Variants in PPP1R1C observed in about 807,000 individuals in gnomAD.
PPP1R1C encodes protein phosphatase 1 regulatory inhibitor subunit 1C.
In PPP1R1C, 15 loss-of-function variants were observed where a neutral mutation model predicts 17.4. That is an observed-to-expected ratio of 0.86 (90% CI 0.58 to 1.33). The LOEUF is 1.33. PPP1R1C is among the 40% of genes most tolerant of loss of function. The pLI, the probability that PPP1R1C is intolerant of heterozygous loss-of-function variation, is 0.00. For missense variants in PPP1R1C, 143 were observed against 130.0 expected, an observed-to-expected ratio of 1.10 and a Z score of -0.48; for synonymous variants, 35 against 43.1, an observed-to-expected ratio of 0.81 and a Z score of 0.73.
At chr2:182,078,202 G>T (rs1477803548) in intron 4 of PPP1R1C, among the ~76,000 whole-genome samples, 2 of 152,142 alleles carry the variant, frequency 1.3e-5, no homozygotes, top group East Asian at 3.9e-4. Context: ...GTCATTTTTG[G>T]TATGAAATGG....
intron 2 of PPP1R1C, among the ~76,000 whole-genome samples, chr2:182,047,240 A>G (rs1687375162): frequency 6.6e-6 from 1 of 152,178 alleles, no homozygotes; most frequent in African/African-American, 2.4e-5. Flanking sequence ...ATGTAGAAAA[A>G]TGAAATATTA....
chr2:182,081,985 AT>A (rs200017467), intron 4 of PPP1R1C, among the ~76,000 whole-genome samples: 1 of 152,114 alleles, frequency 6.6e-6, no homozygotes, highest in African/African-American at 2.4e-5. Flanking sequence ...CCCTATGCCT[AT>A]TTTTTTTAAA....
At chr2:181,983,554 T>C (rs1478038112), upstream of PPP1R1C, among the ~76,000 whole-genome samples, 1 of 152,194 alleles carries the variant, frequency 6.6e-6, no homozygotes, top group Non-Finnish European at 1.5e-5. Context: ...TTATTTTACA[T>C]TTAAGTTGCA....
At chr2:181,971,065 C>T (rs1362805961) in intron 1 of PPP1R1C, among the ~76,000 whole-genome samples, 1 of 152,160 alleles carries the variant, frequency 6.6e-6, no homozygotes, top group Admixed American at 6.5e-5. Flanking sequence ...TGCTCTACCC[C>T]ATTGTGACCA....
chr2:182,052,821 A>G (rs1687566704), intron 2 of PPP1R1C, among the ~76,000 whole-genome samples: 1 of 152,260 alleles, frequency 6.6e-6, no homozygotes, highest in African/African-American at 2.4e-5. Context: ...TTTTAGTAAA[A>G]TAAAATCATA....
At chr2:182,125,384 G>A (rs1689850209) in intron 5 of PPP1R1C, among the ~76,000 whole-genome samples, 1 of 152,100 alleles carries the variant, frequency 6.6e-6, no homozygotes, top group Non-Finnish European at 1.5e-5. Context: ...TCTCTGCCAG[G>A]TTTCAGTATC....
rs200666418 is a variant in PPP1R1C, at chr2:182,117,233, G to A, written c.268G>A (p.Glu90Lys). Residue 90 changes from glutamate to lysine, a missense_variant, in exon 5 of 5, where the codon GAA becomes AAA. Transcript: ENST00000682840. The part of the protein sequence containing the change: ...KGVKHLKGQN[E>K]SAFPEEEEGT... ...GGTTAAGCATCTGAAAGGCCAGAAT[G>A]AATCAGCATTCCCTGAAGAAGAAGA... 3.1e-4 allele frequency: 486 copies of A among 1,560,374 alleles called. 1 individual carries two copies. Among genetic ancestry groups the A allele is most frequent in the Non-Finnish European group, 4.0e-4 (460 of 1,151,788 alleles).
Position 181,967,613 on chromosome 2 carries a change from G to A in PPP1R1C, n.112-7606G>A, listed in dbSNP as rs1027095227. Among the ~76,000 whole-genome samples the A allele has an allele frequency of 1.1e-4, 17 of 152,050 alleles. No individual in the cohort carries two copies. Among genetic ancestry groups the A allele is most frequent in the Non-Finnish European group, 2.9e-5 (2 of 67,960 alleles). ...ATATGTTTGTAAAGTCCCAAAGTTTGTGTTTCTGTTGTTATCAATTTTCCT... is the reference window on the plus strand; with the variant it reads ...ATATGTTTGTAAAGTCCCAAAGTTTATGTTTCTGTTGTTATCAATTTTCCT... On this transcript the variant is annotated intron_variant and non_coding_transcript_variant, in intron 1 of 5. Transcript: ENST00000464264. The surrounding 1 kb of genome is among the most constrained non-coding windows in gnomAD (Gnocchi z 5.5).
chr2:182,103,947 C>G (rs1391761741), intron 4 of PPP1R1C: 1 of 152,146 alleles, frequency 6.6e-6, no homozygotes, highest in African/African-American at 2.4e-5. Flanking sequence ...ACTGAGGGGA[C>G]CAAAATACTT....
At chr2:182,091,994 G>T (rs1182757849) in intron 4 of PPP1R1C, among the ~76,000 whole-genome samples, 2 of 152,008 alleles carry the variant, frequency 1.3e-5, no homozygotes, top group South Asian at 2.1e-4. Context: ...AAAATATGTT[G>T]GATTGTAGAA....
intron 2 of PPP1R1C, among the ~76,000 whole-genome samples, chr2:182,047,673 C>G (rs1687386405): frequency 6.6e-6 from 1 of 152,086 alleles, no homozygotes; most frequent in African/African-American, 2.4e-5. Flanking sequence ...TTCTTTGGCT[C>G]TCATATAAAA....
At chr2:182,117,010 G>A (rs1026672714) in intron 4 of PPP1R1C, among the ~76,000 whole-genome samples, 197 bp from the exon 5 acceptor site, 9 of 152,050 alleles carry the variant, frequency 5.9e-5, no homozygotes, top group Non-Finnish European at 1.2e-4. Flanking sequence ...TGCCTCTAAT[G>A]GAAATTCAGC....
At chr2:181,980,119 G>A (rs556961434) in intron 2 of PPP1R1C, among the ~76,000 whole-genome samples, 2 of 151,976 alleles carry the variant, frequency 1.3e-5, no homozygotes, top group African/African-American at 4.8e-5. Flanking sequence ...ATTTGTGTTT[G>A]TATCACTGTG....
intron 1 of PPP1R1C, among the ~76,000 whole-genome samples, chr2:181,970,518 G>A (rs774969747): frequency 5.3e-5 from 8 of 152,112 alleles, no homozygotes; most frequent in Non-Finnish European, 1.0e-4. Flanking sequence ...GTGCCGAGCT[G>A]TGCAAAGCCA....
chr2:182,127,527 C>T (rs1241211690), intron 5 of PPP1R1C, among the ~76,000 whole-genome samples: 1 of 152,078 alleles, frequency 6.6e-6, no homozygotes, highest in African/African-American at 2.4e-5. Context: ...TCAACATTCT[C>T]AGAGTTGTAA....
intron 2 of PPP1R1C, among the ~76,000 whole-genome samples, chr2:182,019,354 T>TACAC (rs1255718724): frequency 6.6e-6 from 1 of 152,064 alleles, no homozygotes; most frequent in Non-Finnish European, 1.5e-5. Flanking sequence ...TTGGGTGGAG[T>TACAC]ATCACATGTG....
chr2:181,995,862 A>T (rs1685598335), intron 2 of PPP1R1C, among the ~76,000 whole-genome samples: 1 of 151,798 alleles, frequency 6.6e-6, no homozygotes, highest in Non-Finnish European at 1.5e-5. Context: ...GATCTGACAC[A>T]GTTTCCACAA....
chr2:182,040,483 C>G (rs1687148712), intron 2 of PPP1R1C, among the ~76,000 whole-genome samples: 1 of 152,050 alleles, frequency 6.6e-6, no homozygotes. Flanking sequence ...TGTCATTTGC[C>G]CACTTTTTAA....
chr2:182,014,241 G>GAA (rs1360692007), intron 2 of PPP1R1C, among the ~76,000 whole-genome samples: 33 of 152,166 alleles, frequency 2.2e-4, no homozygotes, highest in African/African-American at 6.5e-4. Flanking sequence ...CACTGTAGCT[G>GAA]TATCTGCATT....
Sources: gnomAD v4.1 joint callset for allele counts (sites outside exome capture counted in the v4.1 genomes callset) on GRCh38, gnomAD v4.1.1 for gene constraint, Gnocchi (gnomAD v3.1) non-coding constraint, MANE v1.5 for transcripts, NCBI Gene and HGNC (gene_info 2026-07-23, HGNC 2026-07-21) for gene names.